The following SYNE2 variants were observed in gnomAD, a reference collection of about 807,000 sequenced individuals.
SYNE2 encodes spectrin repeat containing nuclear envelope protein 2, also known as nesprin-2.
In SYNE2, 431 loss-of-function variants were observed where a neutral mutation model predicts 856.3. That is an observed-to-expected ratio of 0.50 (90% CI 0.47 to 0.55). The LOEUF is 0.55. Among genes scored for constraint, SYNE2 ranks in the 20% least tolerant of loss-of-function variants. The pLI, the probability that SYNE2 is intolerant of heterozygous loss-of-function variation, is 0.00. For synonymous variants in SYNE2, 2,923 were observed against 2,872.3 expected, an observed-to-expected ratio of 1.02 and a Z score of -0.56; for missense variants, 8,129 against 8,023.2, an observed-to-expected ratio of 1.01 and a Z score of -0.50.
intron 70 of SYNE2, among the ~76,000 whole-genome samples, chr14:64,122,903 G>T (rs1271643774): frequency 1.3e-5 from 2 of 152,090 alleles, no homozygotes; most frequent in Non-Finnish European, 1.5e-5. Context: ...AGGAGTTCAA[G>T]ACCAGCCTCA....
intron 8 of SYNE2, among the ~76,000 whole-genome samples, chr14:63,955,612 A>G (rs539584762): frequency 6.6e-6 from 1 of 152,308 alleles, no homozygotes; most frequent in Admixed American, 6.5e-5. Flanking sequence ...TCAAGCACGT[A>G]TGAATTCTAG....
intron 65 of SYNE2, among the ~76,000 whole-genome samples, chr14:64,110,861 G>T (rs1003211016): frequency 6.6e-6 from 1 of 152,070 alleles, no homozygotes; most frequent in Non-Finnish European, 1.5e-5. Flanking sequence ...AGAGGTGGGT[G>T]AACTGATCTC....
At chr14:63,835,771 G>A (rs999960485) in intron 1 of SYNE2, among the ~76,000 whole-genome samples, 2 of 152,002 alleles carry the variant, frequency 1.3e-5, no homozygotes, top group Non-Finnish European at 1.5e-5. Flanking sequence ...ATCACCTGAG[G>A]TCACAAGTTC....
chr14:63,846,994 TA>T (rs956842226), intron 1 of SYNE2, among the ~76,000 whole-genome samples: 15 of 149,686 alleles, frequency 1.0e-4, no homozygotes, highest in Non-Finnish European at 1.6e-4. Flanking sequence ...TATTTAAAAT[TA>T]AAAAAAAATA....
chr14:64,024,540 T>C lies in SYNE2; in HGVS notation c.5840+81T>C, dbSNP rs933333549. On this transcript the variant is annotated intron_variant, in intron 39 of 115. Transcript: ENST00000555002. The stretch of plus-strand genomic sequence containing the variant: ...TACTCTGCCTCAGCGCAGAGAGCAC[T>C]GGGATACGCAGTACACACAAATTTC... 12 of 1,331,728 alleles carry C rather than the reference T, an allele frequency of 9.0e-6. No homozygotes were observed. In the African/African-American group the frequency reaches 1.6e-4, roughly 18 times the overall value. The allele number at this position is 1,331,728 out of a possible 1,614,324, so 82.5% of individuals were successfully genotyped here. A position where few individuals can be genotyped will look rare whatever the true frequency, so the allele number is the denominator to read the frequency against.
At chr14:64,096,145 T>C (rs1229248305) in intron 61 of SYNE2, among the ~76,000 whole-genome samples, 1 of 152,230 alleles carries the variant, frequency 6.6e-6, no homozygotes, top group Non-Finnish European at 1.5e-5. Flanking sequence ...CTGTTCTTTA[T>C]AAGTTACCCA....
At chr14:64,214,018 T>A (rs1414660476) in intron 105 of SYNE2, 176 bp from the exon 106 acceptor site, 2 of 897,852 alleles carry the variant, frequency 2.2e-6, no homozygotes, top group African/African-American at 3.4e-5. Flanking sequence ...CACTCCAGAT[T>A]GTCTAAACTG....
chr14:63,888,965 G>A (rs2095060655), intron 1 of SYNE2, among the ~76,000 whole-genome samples: 1 of 151,434 alleles, frequency 6.6e-6, no homozygotes, highest in African/African-American at 2.4e-5. Flanking sequence ...ACTTTGGGAG[G>A]CCGAGGTGGG....
Position 64,139,930 on chromosome 14 carries a change from G to GCT in SYNE2, c.14844-9_14844-8dup, listed in dbSNP as rs1236779658. 2 of 1,613,848 alleles carry GCT rather than the reference G, an allele frequency of 1.2e-6. No individual in the cohort carries two copies. The highest frequency in any genetic ancestry group is 1.7e-6 in the Non-Finnish European group (2 of 1,179,878). The stretch of plus-strand genomic sequence containing the variant: ...TCTAATCTGCCTTCTCTCTCACTTT[G>GCT]CTCCTGTTAGTTATAACAGAGATTC... On this transcript the variant is annotated splice_polypyrimidine_tract_variant and intron_variant, in intron 79 of 115. Transcript: ENST00000555002.
intron 100 of SYNE2, chr14:64,204,297 C>G (rs148962951): frequency 6.6e-6 from 1 of 152,280 alleles, no homozygotes; most frequent in East Asian, 1.9e-4. Context: ...CTGAACACAT[C>G]AGTTTTACTT....
At chr14:64,067,182 CAA>C (rs1405005251) in intron 51 of SYNE2, among the ~76,000 whole-genome samples, 1 of 151,564 alleles carries the variant, frequency 6.6e-6, no homozygotes, top group African/African-American at 2.4e-5. Flanking sequence ...AAATATTTTT[CAA>C]AGAGTAGCAC....
At chr14:64,138,942 GTATGGTGTGTGTGTGT>G (rs2098118329) in intron 79 of SYNE2, among the ~76,000 whole-genome samples, 1 of 134,048 alleles carries the variant, frequency 7.5e-6, no homozygotes, top group Admixed American at 7.3e-5. Flanking sequence ...GTGTGTGTAT[GTATGGTGTGTGTGTGT>G]GTGTGTGTGT....
intron 1 of SYNE2, among the ~76,000 whole-genome samples, chr14:63,809,221 G>A (rs528641277): frequency 5.3e-5 from 8 of 149,844 alleles, no homozygotes; most frequent in African/African-American, 2.0e-4. Flanking sequence ...TGTGTTCTAC[G>A]TTTAAAAAAA....
Position 64,052,742 on chromosome 14 carries a change from G to A in SYNE2, c.8829G>A (p.Lys2943=), listed in dbSNP as rs2097236847. The A allele has an allele frequency of 1.2e-6, 2 of 1,613,004 alleles. No individual in the cohort carries two copies. Among genetic ancestry groups the A allele is most frequent in the Non-Finnish European group, 1.7e-6 (2 of 1,179,432 alleles). ...NTCNEVEHKI[K]FCRQFHEKTS... ...GTAATGAAGTGGAACACAAGATAAA[G>A]TTTTGCAGACAATTCCATGAAAAAA... Residue 2943 remains lysine (K), a synonymous_variant, in exon 48 of 116, where the codon AAG becomes AAA. Coordinates refer to ENST00000555002, the MANE Select transcript of SYNE2 (RefSeq NM_182914.3).
chr14:63,942,259 C>T (rs2095929056), intron 6 of SYNE2, 116 bp downstream of exon 6: 2 of 714,444 alleles, frequency 2.8e-6, no homozygotes, highest in Non-Finnish European at 2.5e-6. Context: ...TAAATAGGAC[C>T]TCTGAAAATC....
chr14:63,989,343 T>A (rs2096649720), intron 19 of SYNE2, among the ~76,000 whole-genome samples: 1 of 152,160 alleles, frequency 6.6e-6, no homozygotes, highest in Non-Finnish European at 1.5e-5. Flanking sequence ...TTATTTTATT[T>A]TATTATTTTT....
chr14:63,879,236 C>T (rs1219968862), intron 1 of SYNE2, among the ~76,000 whole-genome samples: 2 of 152,182 alleles, frequency 1.3e-5, no homozygotes, highest in African/African-American at 4.8e-5. Flanking sequence ...CAAGTTTTAT[C>T]AGAAGATTGA....
chr14:63,814,962 A>G (rs969586443), intron 1 of SYNE2, among the ~76,000 whole-genome samples: 1 of 140,412 alleles, frequency 7.1e-6, no homozygotes, highest in African/African-American at 2.6e-5. Context: ...ATATATATCC[A>G]TATATATCTA....
At chr14:64,221,441 C>A in intron 111 of SYNE2, 135 bp from the exon 112 acceptor site, 1 of 1,525,680 alleles carries the variant, frequency 6.6e-7, no homozygotes, top group Non-Finnish European at 9.0e-7. Context: ...TAGTTTAAAG[C>A]TGGTCCTCGT....
Sources: allele counts gnomAD v4.1 joint callset (sites outside exome capture counted in the v4.1 genomes callset), GRCh38; gene constraint gnomAD v4.1.1; transcripts MANE v1.5; gene names NCBI Gene and HGNC (gene_info 2026-07-23, HGNC 2026-07-21).